The following ZNF804B variants were observed in gnomAD, a reference collection of about 807,000 sequenced individuals.
ZNF804B encodes the protein zinc finger 804B.
A neutral mutation model predicts 101.4 loss-of-function variants in ZNF804B; 80 were observed. The observed-to-expected ratio is 0.79, with a 90% confidence interval of 0.66 to 0.95. The LOEUF is 0.95. Ranked by LOEUF, ZNF804B falls within the 40% of genes least tolerant of loss-of-function variation. ZNF804B has a pLI of 0.00. For synonymous variants in ZNF804B, 622 were observed against 558.8 expected (o/e 1.11, Z -1.59); for missense variants, 1,673 against 1,561.9 (o/e 1.07, Z -1.20).
chr7:88,819,692 C>T (rs568918277), intron 1 of ZNF804B, among the ~76,000 whole-genome samples: 8 of 152,170 alleles, frequency 5.3e-5, no homozygotes, highest in Non-Finnish European at 1.0e-4. Context: ...AAAAATTTCC[C>T]CTTCAATAAT....
intron 1 of ZNF804B, among the ~76,000 whole-genome samples, chr7:89,031,661 G>GT (rs200361715): frequency 0.22 from 30,978 of 143,368 alleles, 3,313 homozygotes; most frequent in East Asian, 0.28. Context: ...TCTGGTTTTT[G>GT]TTTTTTTTTT....
chr7:89,020,680 G>T (rs1220382595), intron 1 of ZNF804B, among the ~76,000 whole-genome samples: 1 of 151,946 alleles, frequency 6.6e-6, no homozygotes, highest in Non-Finnish European at 1.5e-5. Context: ...TTCTTGTTTA[G>T]GAATTCCCAT....
chr7:88,987,475 T>A (rs376460168), intron 1 of ZNF804B, among the ~76,000 whole-genome samples: 1 of 152,132 alleles, frequency 6.6e-6, no homozygotes, highest in Admixed American at 6.6e-5. Context: ...ATATTTACAT[T>A]TTATTATGAG....
At chr7:88,923,350 G>A (rs1435316198) in intron 1 of ZNF804B, among the ~76,000 whole-genome samples, 3 of 152,024 alleles carry the variant, frequency 2.0e-5, no homozygotes, top group African/African-American at 4.8e-5. Context: ...TTATTGATGA[G>A]TTTCACTTAA....
At chr7:89,312,004 A>G (rs1790655348) in intron 2 of ZNF804B, among the ~76,000 whole-genome samples, 1 of 152,156 alleles carries the variant, frequency 6.6e-6, no homozygotes, top group African/African-American at 2.4e-5. Flanking sequence ...CCTCAGAGGT[A>G]GTGGGAAACT....
chr7:89,220,202 A>G (rs1239717377), intron 2 of ZNF804B, among the ~76,000 whole-genome samples: 1 of 102,906 alleles, frequency 9.7e-6, no homozygotes. Context: ...TCCTTGGGAA[A>G]TGCCAGCCTG....
intron 1 of ZNF804B, among the ~76,000 whole-genome samples, chr7:88,974,690 T>C (rs763794950): frequency 1.3e-5 from 2 of 151,378 alleles, no homozygotes; most frequent in Non-Finnish European, 3.0e-5. Context: ...TACATATTTA[T>C]AGGGTACATG....
chr7:89,152,253 C>CTT (rs71120063), intron 1 of ZNF804B, among the ~76,000 whole-genome samples: 8,228 of 144,724 alleles, frequency 0.057, 351 homozygotes, highest in African/African-American at 0.11. Flanking sequence ...ATGGTTTTTT[C>CTT]TTTTTTTTTT....
At chr7:88,808,081 T>C (rs1790719600) in intron 1 of ZNF804B, among the ~76,000 whole-genome samples, 1 of 152,210 alleles carries the variant, frequency 6.6e-6, no homozygotes, top group African/African-American at 2.4e-5. Flanking sequence ...AAATATGTAC[T>C]CACTTTATCT....
intron 1 of ZNF804B, among the ~76,000 whole-genome samples, chr7:88,765,462 G>A (rs1016780590): frequency 1.3e-5 from 2 of 152,132 alleles, no homozygotes; most frequent in Non-Finnish European, 2.9e-5. Context: ...TAATAACAGA[G>A]CTTGAAATGC....
At chr7:89,062,757 A>T (rs1789398846) in intron 1 of ZNF804B, among the ~76,000 whole-genome samples, 1 of 152,068 alleles carries the variant, frequency 6.6e-6, no homozygotes, top group Non-Finnish European at 1.5e-5. Flanking sequence ...TATTTTCCAG[A>T]TTCATTGAGG....
chr7:88,878,014 C>A (rs1012208389), intron 1 of ZNF804B, among the ~76,000 whole-genome samples: 1 of 151,984 alleles, frequency 6.6e-6, no homozygotes, highest in Non-Finnish European at 1.5e-5. Context: ...AAAAAAGATG[C>A]GGTTAAATCA....
chr7:89,249,725 G>A (rs895219679), intron 2 of ZNF804B, among the ~76,000 whole-genome samples: 6 of 151,772 alleles, frequency 4.0e-5, no homozygotes, highest in Admixed American at 2.0e-4. Context: ...GCACCTACAG[G>A]AAATAAAAAA....
In ZNF804B at chr7:89,337,479, A is replaced by G. The variant is rs534367652; in HGVS notation, c.*447A>G. ...GGTCAGTGAAATGAAGCAATTATTT[A>G]AAGTAATTTATGTCGTTAACTATTG... On this transcript the variant is annotated 3_prime_UTR_variant, in exon 4 of 4. Transcript: ENST00000333190. Among the ~76,000 whole-genome samples, 176 of 152,304 alleles carry G rather than the reference A, an allele frequency of 1.2e-3. 1 individual carries two copies. The highest frequency in any genetic ancestry group is 3.9e-3 in the African/African-American group (162 of 41,584).
chr7:88,878,626 A>G (rs759670394), intron 1 of ZNF804B, among the ~76,000 whole-genome samples: 7 of 152,146 alleles, frequency 4.6e-5, no homozygotes, highest in South Asian at 2.1e-4. Context: ...ATACTATGCT[A>G]TTTTTGACAA....
At chr7:89,289,579 A>G (rs1790255576) in intron 2 of ZNF804B, among the ~76,000 whole-genome samples, 1 of 152,104 alleles carries the variant, frequency 6.6e-6, no homozygotes, top group African/African-American at 2.4e-5. Flanking sequence ...GAGACATTGC[A>G]TTAAGCTCAG....
At chr7:89,210,009 C>T (rs1316581097) in intron 1 of ZNF804B, among the ~76,000 whole-genome samples, 1 of 151,910 alleles carries the variant, frequency 6.6e-6, no homozygotes, top group Non-Finnish European at 1.5e-5. Context: ...ATTAGCTGAG[C>T]GTGGTGGCAT....
intron 1 of ZNF804B, among the ~76,000 whole-genome samples, chr7:89,059,587 C>G (rs931909115): frequency 6.6e-6 from 1 of 152,118 alleles, no homozygotes; most frequent in Non-Finnish European, 1.5e-5. Context: ...GGCCCCATCT[C>G]CAGGACCAAA....
At chr7:88,823,296 T>A (rs1791009429) in intron 1 of ZNF804B, among the ~76,000 whole-genome samples, 1 of 152,076 alleles carries the variant, frequency 6.6e-6, no homozygotes, top group South Asian at 2.1e-4. Flanking sequence ...CAGTAGTGAG[T>A]GAAATACTCA....
Sources: gnomAD v4.1 joint callset for allele counts (sites outside exome capture counted in the v4.1 genomes callset) on GRCh38, gnomAD v4.1.1 for gene constraint, MANE v1.5 for transcripts, NCBI Gene and HGNC (gene_info 2026-07-23, HGNC 2026-07-21) for gene names.